Variants in SERINC4 observed in about 807,000 individuals in gnomAD.
The protein encoded by SERINC4 is serine incorporator 4.
A neutral mutation model predicts 52.0 loss-of-function variants in SERINC4; 52 were observed. The ratio of observed to expected loss-of-function variants is 1.00; its 90% CI spans 0.80 to 1.26. The LOEUF is 1.26. Ranked by LOEUF, SERINC4 falls within the 50% of genes most tolerant of loss-of-function variation. The pLI, the probability that SERINC4 is intolerant of heterozygous loss-of-function variation, is 0.00. For synonymous variants in SERINC4, 264 were observed against 247.7 expected (o/e 1.07, Z -0.62); for missense variants, 723 against 632.8 (o/e 1.14, Z -1.53).
rs2087267010 is a variant in SERINC4, at chr15:43,799,039, G to T, written c.378C>A (p.Thr126=). 1.3e-6 allele frequency: 2 copies of T among 1,550,352 alleles called. No homozygotes were observed. The highest frequency in any genetic ancestry group is 2.7e-5 in the African/African-American group (2 of 72,976). The change falls in exon 3 of 12, where the codon ACC becomes ACA. Residue 126 remains threonine (T), a synonymous_variant. Transcript: ENST00000319327. ...SGAVYRVCAG[T]ATFHLLQAVL... ...CAGCCTGCAGCAGGTGGAAGGTGGC[G>T]GTTCCTGCACATACTCGGTACACAG...
At chr15:43,798,144 G>C (rs1030120175) in intron 4 of SERINC4, 131 bp from the exon 5 acceptor site, 121 of 670,392 alleles carry the variant, frequency 1.8e-4, no homozygotes, top group Non-Finnish European at 2.9e-4. Context: ...CTGCCTCCCG[G>C]GTTCAAGTGA....
Position 43,795,098 on chromosome 15 carries a change from G to C in SERINC4, c.1459C>G (p.Pro487Ala). 6.2e-7 allele frequency: 1 copy of C among 1,613,936 alleles called. No homozygotes were observed. The highest frequency in any genetic ancestry group is 8.5e-7 in the Non-Finnish European group (1 of 1,179,996). ...TTCTGGGTGGGGGGCCAACAGAGTG[G>C]TGCCAGTAACAGCCCCAGATAGAGG... ...VLLYLGLLLAPLCWPPTQKPQ... is the reference protein window; with the variant it reads ...VLLYLGLLLAALCWPPTQKPQ... Residue 487 changes from proline (P) to alanine (A), a missense_variant, in exon 12 of 12, where the codon CCA becomes GCA. By Grantham distance (27) the Pro-to-Ala change is conservative (BLOSUM62 -1). Transcript: ENST00000319327.
At chr15:43,797,074 T>C in intron 6 of SERINC4, 71 bp downstream of exon 6, 1 of 1,446,426 alleles carries the variant, frequency 6.9e-7, no homozygotes, top group South Asian at 1.2e-5. Context: ...TAATTGAGAT[T>C]AGGGAGGTAA....
rs1326128280 is a variant in SERINC4 at position 43,799,038 on chromosome 15, C to T, written c.379G>A (p.Ala127Thr). ...GAVYRVCAGT[A>T]TFHLLQAVLL... ...ACAGCCTGCAGCAGGTGGAAGGTGG[C>T]GGTTCCTGCACATACTCGGTACACA... The change falls in exon 3 of 12, where the codon GCC becomes ACC. Residue 127 changes from alanine to threonine, a missense_variant. Ala to Thr is a moderately conservative substitution (Grantham distance 58, BLOSUM62 0). Coordinates refer to ENST00000319327, the MANE Select transcript of SERINC4 (RefSeq NM_001258031.2). 3.9e-6 allele frequency: 6 copies of T among 1,550,440 alleles called. No homozygotes were observed. In the East Asian group the frequency reaches 7.3e-5, roughly 19 times the overall value.
chr15:43,794,354 T>G lies in SERINC4; in HGVS notation c.*646A>C. On this transcript the variant is annotated 3_prime_UTR_variant, in exon 12 of 12. Coordinates refer to ENST00000319327, the MANE Select transcript of SERINC4 (RefSeq NM_001258031.2). ...GCTGCAAGATCTGTGTTTATGCCTC[T>G]TTTCCTCATTCTTCCTCAGTTTGTT... The G allele has an allele frequency of 5.4e-6, 1 of 183,604 alleles. No individual in the cohort carries two copies. The highest frequency in any genetic ancestry group is 1.1e-5 in the Non-Finnish European group (1 of 88,116). 11.4% of individuals were successfully genotyped at this position (183,604 alleles called of 1,614,324 possible).
intron 10 of SERINC4, 53 bp downstream of exon 10, chr15:43,795,635 A>G: frequency 6.2e-7 from 1 of 1,610,256 alleles, no homozygotes; most frequent in Non-Finnish European, 8.5e-7. Context: ...GAGGGTTCTT[A>G]TGGCACTCCA....
Position 43,799,343 on chromosome 15 carries a change from T to C in SERINC4, c.246A>G (p.Thr82=). 1 of 1,551,136 alleles carries C rather than the reference T, an allele frequency of 6.4e-7. No homozygotes were observed. Among genetic ancestry groups the C allele is most frequent in the African/African-American group, 1.4e-5 (1 of 73,154 alleles). The change falls in exon 2 of 12, where the codon ACA becomes ACG. Residue 82 remains threonine (T), a synonymous_variant. Transcript: ENST00000319327. The part of the protein sequence containing the change: ...SAICCLLLSR[T]VVERVWGKTH... ...TCTTGCCCCACACCCTTTCCACTACTGTCCTTGACAGCAGGAGGCAGCAGA... is the reference window on the plus strand; with the variant it reads ...TCTTGCCCCACACCCTTTCCACTACCGTCCTTGACAGCAGGAGGCAGCAGA...
Position 43,800,148 on chromosome 15 carries a change from G to C in SERINC4, c.-162C>G. The stretch of plus-strand genomic sequence containing the variant: ...AAGAGAACACTGACCTCCAGGTTGC[G>C]GTAAATGCAAATGCCCTGTGAAGGA... On this transcript the variant is annotated 5_prime_UTR_variant, in exon 1 of 12. Coordinates refer to ENST00000319327, the MANE Select transcript of SERINC4 (RefSeq NM_001258031.2). 1.7e-6 allele frequency: 1 copy of C among 605,266 alleles called. No individual in the cohort carries two copies. The highest frequency in any genetic ancestry group is 2.1e-5 in the South Asian group (1 of 48,670). 37.5% of individuals were successfully genotyped at this position (605,266 alleles called of 1,614,324 possible).
chr15:43,799,575 T>C, intron 1 of SERINC4, 89 bp from the exon 2 acceptor site: 3 of 1,473,068 alleles, frequency 2.0e-6, no homozygotes, highest in Non-Finnish European at 2.8e-6. Flanking sequence ...ACCCAGGAGG[T>C]TGAATTCCAA....
chr15:43,798,850 G>A (rs1244621633), intron 3 of SERINC4, 109 bp downstream of exon 3: 1 of 1,153,468 alleles, frequency 8.7e-7, no homozygotes, highest in Non-Finnish European at 1.3e-6. Flanking sequence ...ACTTAAACCT[G>A]TTTTCTGTCT....
At position 43,799,949 on chromosome 15, in the gene SERINC4, G is replaced by T; in HGVS notation, c.38C>A (p.Ser13Tyr). Residue 13 changes from serine to tyrosine, a missense_variant, in exon 1 of 12, where the codon TCC (serine) becomes TAC (tyrosine). Coordinates refer to ENST00000319327, the MANE Select transcript of SERINC4 (RefSeq NM_001258031.2). ...GCTGTGCTGCTGTGCCAGGCCCAGGGAGGTGCCGGGGCTGGGGCCGGCCTT... is the reference window on the plus strand; with the variant it reads ...GCTGTGCTGCTGTGCCAGGCCCAGGTAGGTGCCGGGGCTGGGGCCGGCCTT... Reference protein sequence around the residue: ...GAKAGPSPGTSLGLAQQHSGG... With the variant: ...GAKAGPSPGTYLGLAQQHSGG... 1 of 1,548,676 alleles carries T rather than the reference G, an allele frequency of 6.5e-7. No homozygotes were observed. Among genetic ancestry groups the T allele is most frequent in the South Asian group, 1.2e-5 (1 of 83,842 alleles).
In SERINC4 at chr15:43,798,454, A is replaced by G; in HGVS notation, c.509T>C (p.Phe170Ser). 1 of 1,613,906 alleles carries G rather than the reference A, an allele frequency of 6.2e-7. No individual in the cohort carries two copies. Among genetic ancestry groups the G allele is most frequent in the Non-Finnish European group, 8.5e-7 (1 of 1,179,756 alleles). The change falls in exon 4 of 12, where the codon TTC (phenylalanine) becomes TCC (serine). Residue 170 changes from phenylalanine (F) to serine (S), a missense_variant. Transcript: ENST00000319327. ...GAAGAGATGCTCATCAGGAATGCAG[A>G]AGGCAATAGCACAGAGACCTAACAG... ...LFLLGLCAIA[F>S]CIPDEHLFPA...
chr15:43,796,474 A>C (rs2087218610), intron 8 of SERINC4, 142 bp downstream of exon 8: 1 of 933,174 alleles, frequency 1.1e-6, no homozygotes, highest in Non-Finnish European at 1.7e-6. Flanking sequence ...CTATTCTTAG[A>C]ATTTGTCCCT....
In SERINC4 at chr15:43,799,950, A is replaced by G. The variant is rs1165521471; in HGVS notation, c.37T>C (p.Ser13Pro). The change falls in exon 1 of 12, where the codon TCC becomes CCC. Residue 13 changes from serine to proline, a missense_variant. Transcript: ENST00000319327. Reference protein sequence around the residue: ...GAKAGPSPGTSLGLAQQHSGG... With the variant: ...GAKAGPSPGTPLGLAQQHSGG... ...CTGTGCTGCTGTGCCAGGCCCAGGG[A>G]GGTGCCGGGGCTGGGGCCGGCCTTG... The G allele has an allele frequency of 6.5e-7, 1 of 1,548,528 alleles. No homozygotes were observed. The highest frequency in any genetic ancestry group is 8.7e-7 in the Non-Finnish European group (1 of 1,146,266).
Position 43,799,947 on chromosome 15 carries a change from G to C in SERINC4, c.40C>G (p.Leu14Val), listed in dbSNP as rs567907450. 9.0e-6 allele frequency: 14 copies of C among 1,548,664 alleles called. No homozygotes were observed. The South Asian group carries it at 1.6e-4, about 17-fold the overall frequency. ...AKAGPSPGTS[L>V]GLAQQHSGGS... ...CCGCTGTGCTGCTGTGCCAGGCCCA[G>C]GGAGGTGCCGGGGCTGGGGCCGGCC... Residue 14 changes from leucine to valine, a missense_variant, in exon 1 of 12, where the codon CTG (leucine) becomes GTG (valine). Coordinates refer to ENST00000319327, the MANE Select transcript of SERINC4 (RefSeq NM_001258031.2).
In SERINC4 at chr15:43,795,189, C is replaced by G. The variant is rs754369141; in HGVS notation, c.1368G>C (p.Lys456Asn). Residue 456 changes from lysine to asparagine, a missense_variant, in exon 12 of 12, where the codon AAG becomes AAC. Coordinates refer to ENST00000319327, the MANE Select transcript of SERINC4 (RefSeq NM_001258031.2). ...WFSYEGAELE[K>N]TFIKGSWATF... ...TGGCCCAGCTACCCTTGATGAAGGT[C>G]TTTTCCAGTTCTGCTCCCTCATAGC... is the stretch of plus-strand genomic sequence containing the variant. 6.2e-6 allele frequency: 10 copies of G among 1,614,002 alleles called. No individual in the cohort carries two copies. The highest frequency in any genetic ancestry group is 1.3e-5 in the African/African-American group (1 of 74,874).
intron 3 of SERINC4, chr15:43,798,735 A>AC (rs2087260146): frequency 8.0e-6 from 5 of 627,334 alleles, no homozygotes; most frequent in African/African-American, 1.8e-5. Flanking sequence ...TTTACAGTTT[A>AC]TAAAGGATTG....
Position 43,798,430 on chromosome 15 carries a change from A to T in SERINC4, c.533T>A (p.Phe178Tyr). 1.2e-6 allele frequency: 2 copies of T among 1,611,068 alleles called. No individual in the cohort carries two copies. Among genetic ancestry groups the T allele is most frequent in the Non-Finnish European group, 1.7e-6 (2 of 1,177,248 alleles). The change falls in exon 4 of 12, where the codon TTC becomes TAC. Residue 178 changes from phenylalanine to tyrosine, a missense_variant. Transcript: ENST00000319327. ...GAGTGTGGGAGGGAGAGTACCTGGGAAGAGATGCTCATCAGGAATGCAGAA... is the reference window on the plus strand; with the variant it reads ...GAGTGTGGGAGGGAGAGTACCTGGGTAGAGATGCTCATCAGGAATGCAGAA... ...IAFCIPDEHLFPAWHYIGICG... is the reference protein window; with the variant it reads ...IAFCIPDEHLYPAWHYIGICG...
At position 43,794,531 on chromosome 15, in the gene SERINC4, A is replaced by C. The variant is rs954924708; in HGVS notation, c.*469T>G. 1.2e-5 allele frequency: 2 copies of C among 161,230 alleles called. No homozygotes were observed. Among genetic ancestry groups the C allele is most frequent in the Admixed American group, 1.2e-4 (2 of 16,186 alleles). The allele number at this position is 161,230 out of a possible 1,614,324, so 10.0% of individuals were successfully genotyped here. On this transcript the variant is annotated 3_prime_UTR_variant, in exon 12 of 12. Coordinates refer to ENST00000319327, the MANE Select transcript of SERINC4 (RefSeq NM_001258031.2). ...CCTTGACCTCAAAATCAGGATTAAAACCTGGGGTAGCCTCTGTGCTCCTTT... is the reference window on the plus strand; with the variant it reads ...CCTTGACCTCAAAATCAGGATTAAACCCTGGGGTAGCCTCTGTGCTCCTTT...
Sources: gnomAD v4.1 joint callset for allele counts on GRCh38, gnomAD v4.1.1 for gene constraint, MANE v1.5 for transcripts, NCBI Gene and HGNC (gene_info 2026-07-23, HGNC 2026-07-21) for gene names.